The following OSBPL6 variants were observed in gnomAD, a reference collection of about 807,000 sequenced individuals.
OSBPL6 encodes the protein oxysterol-binding protein-related protein 6.
A neutral mutation model predicts 125.8 loss-of-function variants in OSBPL6; 49 were observed. The observed-to-expected ratio is 0.39, with a 90% CI of 0.31 to 0.49. The LOEUF is 0.49. Among genes scored for constraint, OSBPL6 ranks in the 20% least tolerant of loss-of-function variants. The pLI is 0.88. For missense variants in OSBPL6, 986 were observed against 1,135.4 expected (o/e 0.87, Z 1.89); for synonymous variants, 394 against 391.8 (o/e 1.01, Z -0.07).
At chr2:178,340,320 A>G (rs1040860262) in intron 11 of OSBPL6, among the ~76,000 whole-genome samples, 2 of 152,118 alleles carry the variant, frequency 1.3e-5, no homozygotes, top group Admixed American at 1.3e-4. Flanking sequence ...AGTTTATTTA[A>G]TAAGCTCTGA....
intron 1 of OSBPL6, among the ~76,000 whole-genome samples, chr2:178,217,590 A>G (rs1166979413): frequency 6.6e-6 from 1 of 152,182 alleles, no homozygotes; most frequent in Non-Finnish European, 1.5e-5. Flanking sequence ...GCAGGTGGTG[A>G]ATGTGCCTGA....
chr2:178,205,524 T>C (rs1037931818), intron 1 of OSBPL6, among the ~76,000 whole-genome samples: 6 of 152,106 alleles, frequency 3.9e-5, no homozygotes, highest in Non-Finnish European at 5.9e-5. Context: ...ACAAAGCTTC[T>C]AGAAAAAGAA....
At chr2:178,392,385 C>CA in intron 22 of OSBPL6, 27 bp from the exon 23 acceptor site, 2 of 1,612,630 alleles carry the variant, frequency 1.2e-6, no homozygotes, top group South Asian at 1.1e-5. Flanking sequence ...TTCTGCCTCT[C>CA]ACAGTGGTTC....
chr2:178,385,768 G>A (rs1284920866), intron 19 of OSBPL6, among the ~76,000 whole-genome samples: 1 of 152,234 alleles, frequency 6.6e-6, no homozygotes, highest in Admixed American at 6.5e-5. Context: ...CATGCGGACT[G>A]TGCCGGTGGA....
chr2:178,364,781 A>G (rs1206269769), intron 13 of OSBPL6, among the ~76,000 whole-genome samples: 1 of 152,160 alleles, frequency 6.6e-6, no homozygotes, highest in Non-Finnish European at 1.5e-5. Flanking sequence ...AGAGAGGAAG[A>G]TGGATGCCCC....
rs184262438 is a variant in OSBPL6, at chr2:178,263,198, G to A, written c.-350-21729G>A. Among the ~76,000 whole-genome samples, 587 of 152,324 alleles carry A rather than the reference G, an allele frequency of 3.9e-3. 1 individual carries two copies. The highest frequency in any genetic ancestry group is 5.1e-3 in the Non-Finnish European group (345 of 68,032). On this transcript the variant is annotated intron_variant, in intron 1 of 24. Transcript: ENST00000190611. ...AGCACATATAGAATAGTCTGTCAAG[G>A]CCAGGCGCAGTGGCTCACGCCTGTA...
intron 1 of OSBPL6, among the ~76,000 whole-genome samples, chr2:178,243,987 T>C (rs2091396338): frequency 6.6e-6 from 1 of 152,204 alleles, no homozygotes; most frequent in African/African-American, 2.4e-5. Context: ...TGATCCTTTT[T>C]CTGCTCTGTT....
intron 1 of OSBPL6, among the ~76,000 whole-genome samples, chr2:178,251,246 C>G (rs1304524716): frequency 1.3e-5 from 2 of 152,128 alleles, no homozygotes; most frequent in African/African-American, 4.8e-5. Context: ...CCACAGTGAT[C>G]CCTAATCAGG....
At chr2:178,231,055 A>G (rs1428175675) in intron 1 of OSBPL6, among the ~76,000 whole-genome samples, 1 of 152,084 alleles carries the variant, frequency 6.6e-6, no homozygotes, top group African/African-American at 2.4e-5. Flanking sequence ...TAAGGAATGG[A>G]AAGTTTACCA....
In OSBPL6 at chr2:178,270,252, G is replaced by A. The variant is rs187993655; in HGVS notation, c.-350-14675G>A. ...ATGACCTCTTATTTTCTTTTTGTGT[G>A]GAGAGAGATGAACAGGGAGAATCAT... On this transcript the variant is annotated intron_variant, in intron 1 of 24. Coordinates refer to ENST00000190611, the MANE Select transcript of OSBPL6 (RefSeq NM_032523.4). Among the ~76,000 whole-genome samples, 276 of 152,266 alleles carry A rather than the reference G, an allele frequency of 1.8e-3. 1 individual carries two copies. Among genetic ancestry groups the A allele is most frequent in the Non-Finnish European group, 3.2e-3 (221 of 68,018 alleles).
intron 1 of OSBPL6, among the ~76,000 whole-genome samples, chr2:178,280,728 C>A (rs1992753): frequency 0.15 from 23,552 of 152,122 alleles, 2,059 homozygotes; most frequent in African/African-American, 0.21. Flanking sequence ...TCAGAGTTAA[C>A]AATTGTGTGC....
intron 1 of OSBPL6, among the ~76,000 whole-genome samples, chr2:178,268,951 G>A (rs1181460817): frequency 6.6e-6 from 1 of 152,066 alleles, no homozygotes; most frequent in African/African-American, 2.4e-5. Context: ...GGCCTCCAGT[G>A]CTTCCTGCAT....
intron 15 of OSBPL6, among the ~76,000 whole-genome samples, chr2:178,375,277 G>A (rs1178833064): frequency 1.3e-5 from 2 of 152,128 alleles, no homozygotes; most frequent in African/African-American, 4.8e-5. Flanking sequence ...CAAGGACTTG[G>A]TATTTGTGTC....
chr2:178,379,848 A>T (rs578079800), intron 15 of OSBPL6, among the ~76,000 whole-genome samples: 2 of 152,286 alleles, frequency 1.3e-5, no homozygotes, highest in South Asian at 4.1e-4. Context: ...TTATGGGCTT[A>T]CTCTGTATGC....
At chr2:178,232,538 C>T (rs946782179) in intron 1 of OSBPL6, among the ~76,000 whole-genome samples, 1 of 152,094 alleles carries the variant, frequency 6.6e-6, no homozygotes, top group Non-Finnish European at 1.5e-5. Flanking sequence ...ATAAGGTAGT[C>T]GTGATGGCTA....
At chr2:178,265,924 A>G (rs1250111192) in intron 1 of OSBPL6, among the ~76,000 whole-genome samples, 1 of 152,206 alleles carries the variant, frequency 6.6e-6, no homozygotes, top group Non-Finnish European at 1.5e-5. Context: ...CTCTAATTGC[A>G]AACTGTGATA....
chr2:178,367,382 A>G (rs891518610), intron 13 of OSBPL6, among the ~76,000 whole-genome samples: 1 of 152,130 alleles, frequency 6.6e-6, no homozygotes, highest in African/African-American at 2.4e-5. Context: ...TTCTATGCTC[A>G]TTTTCTCATT....
chr2:178,290,599 A>G (rs938543489), intron 2 of OSBPL6, among the ~76,000 whole-genome samples: 21 of 152,284 alleles, frequency 1.4e-4, no homozygotes, highest in Non-Finnish European at 2.4e-4. Context: ...ACCAAGATAC[A>G]GAACATCCCC....
chr2:178,321,248 G>T (rs1326851463), intron 3 of OSBPL6, among the ~76,000 whole-genome samples: 1 of 152,114 alleles, frequency 6.6e-6, no homozygotes, highest in African/African-American at 2.4e-5. Flanking sequence ...ACACATTTTT[G>T]ACTGGCTTCA....
Sources: gnomAD v4.1 joint callset for allele counts (sites outside exome capture counted in the v4.1 genomes callset) on GRCh38, gnomAD v4.1.1 for gene constraint, MANE v1.5 for transcripts, NCBI Gene and HGNC (gene_info 2026-07-23, HGNC 2026-07-21) for gene names.